The following CDK20 variants were observed in gnomAD, a reference collection of about 807,000 sequenced individuals.
CDK20 encodes cyclin dependent kinase 20.
A neutral mutation model predicts 38.6 loss-of-function variants in CDK20; 40 were observed. The observed-to-expected ratio is 1.04, with a 90% CI of 0.81 to 1.35. The LOEUF (loss-of-function observed/expected upper bound fraction) is 1.35. Ranked by LOEUF, CDK20 falls within the 40% of genes most tolerant of loss-of-function variation. The probability of loss-of-function intolerance (pLI) is 0.00; values close to 1 mark genes in which losing one functional copy is unlikely to be tolerated. For synonymous variants in CDK20, 209 were observed against 185.7 expected, an observed-to-expected ratio of 1.13 and a Z score of -1.02; for missense variants, 512 against 452.6, an observed-to-expected ratio of 1.13 and a Z score of -1.19.
At chr9:87,968,864 C>T (rs1038875689) in intron 7 of CDK20, 1 of 326,824 alleles carries the variant, frequency 3.1e-6, no homozygotes, top group East Asian at 5.8e-5. Context: ...GGAATGAGTC[C>T]CCAGTGACTC....
chr9:87,969,140 C>G (rs1829662016), intron 7 of CDK20, 54 bp downstream of exon 7: 2 of 1,592,546 alleles, frequency 1.3e-6, no homozygotes, highest in East Asian at 2.2e-5. Context: ...TACAGAGTAC[C>G]AGGGTGATGG....
chr9:87,974,231 C>T (rs1203508764), intron 1 of CDK20, 141 bp downstream of exon 1: 2 of 1,213,796 alleles, frequency 1.6e-6, no homozygotes, highest in African/African-American at 1.5e-5. Context: ...GGAAGCGCAA[C>T]GGCCCAAAGT....
intron 2 of CDK20, among the ~76,000 whole-genome samples, chr9:87,973,569 C>T (rs1339530595): frequency 1.3e-5 from 2 of 152,154 alleles, no homozygotes; most frequent in Non-Finnish European, 2.9e-5. Flanking sequence ...CTCAAAATGA[C>T]AATGTATATA....
At chr9:87,973,103 T>C (rs899921281) in intron 2 of CDK20, among the ~76,000 whole-genome samples, 11 of 152,208 alleles carry the variant, frequency 7.2e-5, no homozygotes, top group African/African-American at 2.4e-4. Flanking sequence ...TAACATGCTT[T>C]TGTCATCCAA....
rs564585369 is a variant in CDK20, at chr9:87,972,274, T to A, written c.190-939A>T. On this transcript the variant is annotated intron_variant, in intron 2 of 7. Coordinates refer to ENST00000325303, the MANE Select transcript of CDK20 (RefSeq NM_001039803.3). ...TTCTGTGAGTGGAGAAAAGGATACT[T>A]CTTTATTTAGGTGGGGTGGGGCTAG... Among the ~76,000 whole-genome samples, 13 of 152,168 alleles carry A rather than the reference T, an allele frequency of 8.5e-5. 1 individual carries two copies. The South Asian group carries it at 2.5e-3, about 29-fold the overall frequency.
chr9:87,973,610 G>T (rs1424821617), intron 2 of CDK20, among the ~76,000 whole-genome samples: 2 of 152,166 alleles, frequency 1.3e-5, no homozygotes, highest in South Asian at 2.1e-4. Context: ...GAGCTCAATA[G>T]GTGCTAGTTA....
Position 87,974,417 on chromosome 9 carries a change from G to A in CDK20, c.30C>T (p.Ile10=), listed in dbSNP as rs771261536. 2 of 1,612,634 alleles carry A rather than the reference G, an allele frequency of 1.2e-6. No individual in the cohort carries two copies. The highest frequency in any genetic ancestry group is 2.2e-5 in the East Asian group (1 of 44,832). The change falls in exon 1 of 8, where the codon ATC becomes ATT. Residue 10 remains isoleucine (I), a synonymous_variant. Coordinates refer to ENST00000325303, the MANE Select transcript of CDK20 (RefSeq NM_001039803.3). MDQYCILGR[I]GEGAHGIVFK... is the part of the protein sequence containing the mutation. ...AGACGATGCCGTGGGCGCCCTCCCC[G>A]ATGCGGCCCAGGATGCAGTACTGGT...
In CDK20 at chr9:87,969,240, C is replaced by T; in HGVS notation, c.797G>A (p.Gly266Asp). The change falls in exon 7 of 8, where the codon GGT (glycine) becomes GAT (aspartate). Residue 266 changes from glycine to aspartate, a missense_variant. Coordinates refer to ENST00000325303, the MANE Select transcript of CDK20 (RefSeq NM_001039803.3). ...DVSPQALDLL[G>D]QFLLYPPHQR... ...GTGAGGAGGGTAGAGAAGGAATTGA[C>T]CCAGCAGATCCAATGCCTGGGGAGA... 2.5e-6 allele frequency: 4 copies of T among 1,614,050 alleles called. No homozygotes were observed. Among genetic ancestry groups the T allele is most frequent in the Non-Finnish European group, 3.4e-6 (4 of 1,179,970 alleles).
chr9:87,970,450 A>G (rs1352987340), intron 5 of CDK20, 118 bp downstream of exon 5: 8 of 906,482 alleles, frequency 8.8e-6, no homozygotes, highest in Middle Eastern at 2.2e-4. Context: ...CAGGGAAGAC[A>G]CCCTTAAGGA....
At chr9:87,969,956 C>T (rs1237742025) in intron 5 of CDK20, 37 bp from the exon 6 acceptor site, 1 of 1,520,516 alleles carries the variant, frequency 6.6e-7, no homozygotes, top group East Asian at 2.3e-5. Context: ...CAGAGATCTC[C>T]CACCATGGAC....
intron 2 of CDK20, among the ~76,000 whole-genome samples, chr9:87,973,052 T>C (rs1829972381): frequency 6.6e-6 from 1 of 152,192 alleles, no homozygotes; most frequent in African/African-American, 2.4e-5. Flanking sequence ...CATTCACATA[T>C]ATAATATTTC....
chr9:87,967,313 C>A lies in CDK20; in HGVS notation c.*149G>T. The stretch of plus-strand genomic sequence containing the variant: ...TGGGAACATGACCTCTGCCTCGAGA[C>A]CAACCCTCGCAAGGGCTAAGGGGCA... On this transcript the variant is annotated 3_prime_UTR_variant, in exon 8 of 8. Transcript: ENST00000325303. The A allele has an allele frequency of 1.2e-6, 1 of 806,834 alleles. No individual in the cohort carries two copies. Among genetic ancestry groups the A allele is most frequent in the Non-Finnish European group, 2.1e-6 (1 of 473,922 alleles). 50.0% of individuals were successfully genotyped at this position (806,834 alleles called of 1,614,324 possible). A position where few individuals can be genotyped will look rare whatever the true frequency, so the allele number is the denominator to read the frequency against.
chr9:87,970,771 C>CCTACCTGGTGG lies in CDK20; in HGVS notation c.494_500+4dup. On this transcript the variant is annotated splice_donor_region_variant and intron_variant, in intron 4 of 7. Transcript: ENST00000325303. ...GAAGACTGGAAGGGATCTGGCCCTC[C>CCTACCTGGTGG]CTACCTGGTGGCCACCTGGTGTGTG... 6.2e-7 allele frequency: 1 copy of CCTACCTGGTGG among 1,613,406 alleles called. No individual in the cohort carries two copies. Among genetic ancestry groups the CCTACCTGGTGG allele is most frequent in the South Asian group, 1.1e-5 (1 of 91,080 alleles).
Position 87,969,214 on chromosome 9 carries a change from G to A in CDK20, c.823C>T (p.Gln275Ter). The change falls in exon 7 of 8, where the codon CAG (glutamine) becomes TAG (stop). Residue 275 changes from glutamine to a stop codon, truncating the protein, a stop_gained. Coordinates refer to ENST00000325303, the MANE Select transcript of CDK20 (RefSeq NM_001039803.3). LOFTEE classifies it high-confidence loss of function. The part of the protein sequence containing the change: ...LGQFLLYPPH[Q>*]RIAASKALLH... ...CCTACCTTGGAAGCTGCGATGCGCT[G>A]GTGAGGAGGGTAGAGAAGGAATTGA... The A allele has an allele frequency of 6.2e-7, 1 of 1,614,088 alleles. No homozygotes were observed. The highest frequency in any genetic ancestry group is 8.5e-7 in the Non-Finnish European group (1 of 1,179,974).
At chr9:87,969,156 G>A in intron 7 of CDK20, 38 bp downstream of exon 7, 1 of 1,606,572 alleles carries the variant, frequency 6.2e-7, no homozygotes, top group South Asian at 1.1e-5. Flanking sequence ...GATGGGGAGG[G>A]GAGCTGAAGG....
Position 87,969,140 on chromosome 9 carries a change from C to T in CDK20, c.843+54G>A, listed in dbSNP as rs1829662016. On this transcript the variant is annotated intron_variant, in intron 7 of 7. Coordinates refer to ENST00000325303, the MANE Select transcript of CDK20 (RefSeq NM_001039803.3). Reference sequence around the variant, plus strand: ...CACATGGCTACCAAGTACAGAGTACCAGGGTGATGGGGAGGGGAGCTGAAG... The same window carrying T: ...CACATGGCTACCAAGTACAGAGTACTAGGGTGATGGGGAGGGGAGCTGAAG... The T allele has an allele frequency of 3.8e-6, 6 of 1,592,546 alleles. No individual in the cohort carries two copies. The Admixed American group carries it at 8.4e-5, about 22-fold the overall frequency.
intron 1 of CDK20, 93 bp downstream of exon 1, chr9:87,974,279 G>T: frequency 7.3e-7 from 1 of 1,367,112 alleles, no homozygotes; most frequent in Non-Finnish European, 1.0e-6. Flanking sequence ...AACTGTACTG[G>T]ATGTAAAAAG....
intron 2 of CDK20, among the ~76,000 whole-genome samples, chr9:87,973,406 A>C (rs1244373315): frequency 8.3e-6 from 1 of 120,960 alleles, no homozygotes; most frequent in East Asian, 2.0e-4. Flanking sequence ...GGTAGAGCCT[A>C]TGGGAGGTCC....
chr9:87,969,003 G>T, intron 7 of CDK20, 191 bp downstream of exon 7: 1 of 621,880 alleles, frequency 1.6e-6, no homozygotes, highest in Non-Finnish European at 2.8e-6. Context: ...TGTCCAGTGG[G>T]GTCTACTCAT....
Sources: allele counts gnomAD v4.1 joint callset (sites outside exome capture counted in the v4.1 genomes callset), GRCh38; gene constraint gnomAD v4.1.1; transcripts MANE v1.5; gene names NCBI Gene and HGNC (gene_info 2026-07-23, HGNC 2026-07-21).